PIEZO2: variants seen among roughly 807,000 people sequenced by gnomAD.
PIEZO2 encodes piezo type mechanosensitive ion channel component 2.
PIEZO2 carries 172 observed loss-of-function variants against 337.3 expected under a neutral mutation model. The ratio of observed to expected loss-of-function variants is 0.51; its 90% confidence interval spans 0.45 to 0.58. PIEZO2 has a LOEUF of 0.58. PIEZO2 is among the 20% of genes least tolerant of loss of function. The probability of loss-of-function intolerance (pLI) is 0.00; values close to 1 mark genes in which losing one functional copy is unlikely to be tolerated. For synonymous variants in PIEZO2, 1,251 were observed against 1,228.5 expected, an observed-to-expected ratio of 1.02 and a Z score of -0.38; for missense variants, 3,028 against 3,391.3, an observed-to-expected ratio of 0.89 and a Z score of 2.66.
rs1260122307 is a variant in PIEZO2, at chr18:11,035,228, G to T, written c.160+30899C>A. ...ACATGGGGCCTGGTGGGAGGTGTTT[G>T]GTCCCAGCAGTAATGAGAGAGTTCT... On this transcript the variant is annotated intron_variant, in intron 2 of 55. Transcript: ENST00000674853. The surrounding 1 kb of genome is among the most constrained non-coding windows in gnomAD (Gnocchi z 4.3). 2.6e-5 allele frequency among the ~76,000 whole-genome samples: 4 copies of T among 152,138 alleles called. No homozygotes were observed. The highest frequency in any genetic ancestry group is 2.1e-4 in the South Asian group (1 of 4,826).
intron 1 of PIEZO2, among the ~76,000 whole-genome samples, chr18:11,140,798 C>A (rs1010370998): frequency 4.6e-5 from 7 of 152,218 alleles, no homozygotes; most frequent in Non-Finnish European, 1.0e-4. Context: ...TGACATTTCC[C>A]AGCTTCCTTT....
chr18:10,699,324 T>C (rs1186352112), intron 43 of PIEZO2, 147 bp from the exon 44 acceptor site: 1 of 1,124,150 alleles, frequency 8.9e-7, no homozygotes, highest in East Asian at 2.6e-5. Context: ...ATATCTCATC[T>C]TGAATTCCCA....
In PIEZO2 at chr18:10,982,052, C is replaced by T. The variant is rs566376975; in HGVS notation, c.161-2392G>A. 6.6e-6 allele frequency among the ~76,000 whole-genome samples: 1 copy of T among 152,278 alleles called. No homozygotes were observed. Among genetic ancestry groups the T allele is most frequent in the South Asian group, 2.1e-4 (1 of 4,816 alleles). ...AGGCCCCACCTTTAGCATTGGGGGT[C>T]AAATTTCAACATGAGACCTGTTGAG... On this transcript the variant is annotated intron_variant, in intron 2 of 55. Coordinates refer to ENST00000674853, the MANE Select transcript of PIEZO2 (RefSeq NM_001378183.1). This position sits in a 1 kb window ranked among gnomAD's most constrained non-coding sequence, Gnocchi z 4.1.
At chr18:10,785,029 C>A in intron 16 of PIEZO2, 72 bp from the exon 17 acceptor site, 2 of 1,427,358 alleles carry the variant, frequency 1.4e-6, no homozygotes, top group African/African-American at 1.4e-5. Flanking sequence ...TTGTGATAAA[C>A]TACATCACAG....
intron 1 of PIEZO2, among the ~76,000 whole-genome samples, chr18:11,084,484 G>A (rs948537808): frequency 1.3e-5 from 2 of 152,080 alleles, no homozygotes; most frequent in Admixed American, 6.5e-5. Flanking sequence ...AGCGGGTTGT[G>A]TAGCCAGAAT....
Position 10,773,524 on chromosome 18 carries a change from C to T in PIEZO2, c.2673G>A (p.Lys891=), listed in dbSNP as rs1305728344. 1 of 1,537,472 alleles carries T rather than the reference C, an allele frequency of 6.5e-7. No individual in the cohort carries two copies. Among genetic ancestry groups the T allele is most frequent in the Non-Finnish European group, 8.7e-7 (1 of 1,146,970 alleles). ...VRKLAEPGEE[K]LEGYSEKAQK... ...GGGCTTTTTCAGAGTAGCCCTCAAG[C>T]TTCTCCTCCCCAGGCTCAGCCAACT... The change falls in exon 20 of 56, where the codon AAG becomes AAA. Residue 891 remains lysine (K), a synonymous_variant. Transcript: ENST00000674853. The surrounding 1 kb of genome is among the most constrained non-coding windows in gnomAD (Gnocchi z 5.3).
chr18:10,749,731 T>C (rs181277161), intron 29 of PIEZO2, among the ~76,000 whole-genome samples: 3 of 152,296 alleles, frequency 2.0e-5, no homozygotes, highest in East Asian at 1.9e-4. Flanking sequence ...TCAGAGTTAC[T>C]TGATGCCCCA....
At chr18:10,905,438 C>A (rs2043151017) in intron 4 of PIEZO2, among the ~76,000 whole-genome samples, 1 of 152,182 alleles carries the variant, frequency 6.6e-6, no homozygotes, top group South Asian at 2.1e-4. Context: ...ACAAAATTAG[C>A]CGGGTGTGGT....
intron 7 of PIEZO2, among the ~76,000 whole-genome samples, chr18:10,838,450 A>G (rs893824927): frequency 2.6e-5 from 4 of 152,164 alleles, no homozygotes; most frequent in Non-Finnish European, 4.4e-5. Context: ...ATGCTTCTGA[A>G]GCTTTTGGGG....
At chr18:10,865,168 A>T (rs1035773794) in intron 5 of PIEZO2, among the ~76,000 whole-genome samples, 17 of 152,240 alleles carry the variant, frequency 1.1e-4, no homozygotes. Context: ...GGGTGAGGAC[A>T]TGAAGGCAGG....
intron 3 of PIEZO2, among the ~76,000 whole-genome samples, chr18:10,971,409 C>T (rs1209327507): frequency 6.6e-6 from 1 of 152,106 alleles, no homozygotes; most frequent in Non-Finnish European, 1.5e-5. Flanking sequence ...TTTAAAAATA[C>T]AGATAAAAAC....
intron 10 of PIEZO2, 118 bp from the exon 11 acceptor site, chr18:10,800,593 G>T: frequency 8.2e-7 from 1 of 1,225,750 alleles, no homozygotes; most frequent in South Asian, 1.8e-5. Context: ...ATTACAAGCT[G>T]AATAACTTAG....
chr18:10,743,581 G>T (rs7233540), intron 31 of PIEZO2, among the ~76,000 whole-genome samples: 96,473 of 152,038 alleles, frequency 0.63, 32,725 homozygotes, highest in African/African-American at 0.89. Flanking sequence ...TTCTAGTGCT[G>T]CCTCTAGTTA....
At chr18:10,898,281 C>T (rs1389700415) in intron 4 of PIEZO2, among the ~76,000 whole-genome samples, 2 of 151,972 alleles carry the variant, frequency 1.3e-5, no homozygotes, top group East Asian at 1.9e-4. Context: ...ACTAGCCGGG[C>T]GTGGTGGCAG....
intron 17 of PIEZO2, among the ~76,000 whole-genome samples, chr18:10,782,272 A>G (rs2039019573): frequency 3.1e-5 from 1 of 32,584 alleles, no homozygotes; most frequent in Non-Finnish European, 6.5e-5. Flanking sequence ...TTATATGTAA[A>G]CAATTATATA....
rs1324176044 is a variant in PIEZO2 at position 11,105,768 on chromosome 18, T to G, written c.65-39546A>C. Among the ~76,000 whole-genome samples, 2 of 152,074 alleles carry G rather than the reference T, an allele frequency of 1.3e-5. No homozygotes were observed. The highest frequency in any genetic ancestry group is 2.4e-5 in the African/African-American group (1 of 41,392). Reference sequence around the variant, plus strand: ...GTAAAGCTCCGTAACCATATAAAAGTTATATTATAAAAGATAAGCAAAATT... The same window carrying G: ...GTAAAGCTCCGTAACCATATAAAAGGTATATTATAAAAGATAAGCAAAATT... On this transcript the variant is annotated intron_variant, in intron 1 of 55. Transcript: ENST00000674853. The surrounding 1 kb of genome is among the most constrained non-coding windows in gnomAD (Gnocchi z 4.3).
chr18:11,119,299 C>G (rs2039970907), intron 1 of PIEZO2, among the ~76,000 whole-genome samples: 1 of 152,104 alleles, frequency 6.6e-6, no homozygotes, highest in East Asian at 1.9e-4. Flanking sequence ...AGGCCCATGC[C>G]CAGCTAATTT....
chr18:11,008,923 A>G (rs563324216), intron 2 of PIEZO2, among the ~76,000 whole-genome samples: 18 of 152,328 alleles, frequency 1.2e-4, no homozygotes, highest in African/African-American at 4.1e-4. Flanking sequence ...AGTCCTCCTG[A>G]CATCTATAAT....
At position 10,681,720 on chromosome 18, in the gene PIEZO2, A is replaced by G. The variant is rs760808592; in HGVS notation, c.7720T>C (p.Leu2574=). Residue 2574 remains leucine (L), a synonymous_variant, in exon 51 of 56, where the codon TTG becomes CTG. Transcript: ENST00000674853. ...IFTMSAQQSQ[L]KVMDQQSFNK... ...AAGCTCTGCTGGTCCATAACTTTCA[A>G]CTGGCTTTGTTGGGCACTCATTGTG... 5 of 1,611,706 alleles carry G rather than the reference A, an allele frequency of 3.1e-6. No homozygotes were observed. Among genetic ancestry groups the G allele is most frequent in the Non-Finnish European group, 4.2e-6 (5 of 1,177,842 alleles).
Sources: allele counts gnomAD v4.1 joint callset (sites outside exome capture counted in the v4.1 genomes callset), GRCh38; gene constraint gnomAD v4.1.1; non-coding constraint Gnocchi (gnomAD v3.1); transcripts MANE v1.5; gene names NCBI Gene and HGNC (gene_info 2026-07-23, HGNC 2026-07-21).